The following IFT80 variants were observed in gnomAD, a reference collection of about 807,000 sequenced individuals.
The protein encoded by IFT80 is intraflagellar transport protein 80 homolog.
A neutral mutation model predicts 107.9 loss-of-function variants in IFT80; 79 were observed. The observed-to-expected ratio is 0.73, with a 90% CI of 0.61 to 0.88. IFT80 has a LOEUF of 0.88. Ranked by LOEUF, IFT80 falls within the 40% of genes least tolerant of loss-of-function variation. The pLI, the probability that IFT80 is intolerant of heterozygous loss-of-function variation, is 0.00. For synonymous variants in IFT80, 299 were observed against 300.9 expected, an observed-to-expected ratio of 0.99 and a Z score of 0.07; for missense variants, 797 against 914.2, an observed-to-expected ratio of 0.87 and a Z score of 1.65.
At chr3:160,321,519 C>T (rs188738963) in intron 8 of IFT80, among the ~76,000 whole-genome samples, 11 of 151,814 alleles carry the variant, frequency 7.2e-5, no homozygotes, top group African/African-American at 2.7e-4. Context: ...TCCCAGGATC[C>T]CCAGTGGAAG....
At position 160,356,164 on chromosome 3, in the gene IFT80, T is replaced by G; in HGVS notation, c.640-14A>C. ...ACTATCCCATACCTACAAAAGCAAT[T>G]TTTAAAAATCTTTTATAATATCAGG... On this transcript the variant is annotated splice_polypyrimidine_tract_variant and intron_variant, in intron 7 of 19. Coordinates refer to ENST00000326448, the MANE Select transcript of IFT80 (RefSeq NM_020800.3). 6.2e-7 allele frequency: 1 copy of G among 1,610,106 alleles called. No individual in the cohort carries two copies. The highest frequency in any genetic ancestry group is 8.5e-7 in the Non-Finnish European group (1 of 1,177,732).
intron 15 of IFT80, 121 bp from the exon 16 acceptor site, chr3:160,279,485 C>T (rs1013567354): frequency 8.9e-6 from 7 of 782,736 alleles, no homozygotes; most frequent in African/African-American, 8.6e-5. Context: ...CCAAAAGGCA[C>T]ACCCCCAAAG....
At chr3:160,330,727 G>A (rs1719031631) in intron 8 of IFT80, among the ~76,000 whole-genome samples, 1 of 152,036 alleles carries the variant, frequency 6.6e-6, no homozygotes, top group African/African-American at 2.4e-5. Flanking sequence ...AGAATGACTG[G>A]CATAATAGAC....
chr3:160,352,109 G>A (rs916447630), intron 8 of IFT80, among the ~76,000 whole-genome samples: 4 of 151,194 alleles, frequency 2.6e-5, no homozygotes, highest in South Asian at 2.1e-4. Flanking sequence ...TCTGCCTCCC[G>A]GGTTCACGCC....
At chr3:160,277,181 G>C in intron 18 of IFT80, 125 bp downstream of exon 18, 1 of 809,330 alleles carries the variant, frequency 1.2e-6, no homozygotes, top group Non-Finnish European at 2.1e-6. Context: ...ATATGAATAT[G>C]AATAAATTCT....
At position 160,298,724 on chromosome 3, in the gene IFT80, T is replaced by C. The variant is rs570692943; in HGVS notation, c.1315+2159A>G. Reference sequence around the variant, plus strand: ...GTGTGGACATCATGGAGGGTACTTATACAAACCTAGACAATATAACTTACT... The same window carrying C: ...GTGTGGACATCATGGAGGGTACTTACACAAACCTAGACAATATAACTTACT... On this transcript the variant is annotated intron_variant, in intron 12 of 19. Transcript: ENST00000326448. Among the ~76,000 whole-genome samples the C allele has an allele frequency of 1.4e-4, 21 of 152,272 alleles. No homozygotes were observed. In the South Asian group the frequency reaches 3.5e-3, roughly 26 times the overall value.
intron 8 of IFT80, among the ~76,000 whole-genome samples, chr3:160,324,656 A>C (rs1718543296): frequency 6.6e-6 from 1 of 152,096 alleles, no homozygotes; most frequent in Non-Finnish European, 1.5e-5. Context: ...ATCTATGACA[A>C]ACCCACAGCT....
chr3:160,282,075 C>A (rs955318444), intron 14 of IFT80, among the ~76,000 whole-genome samples: 2 of 152,150 alleles, frequency 1.3e-5, no homozygotes, highest in Non-Finnish European at 1.5e-5. Flanking sequence ...CTCAGGAGTT[C>A]GAGACCAGCC....
chr3:160,389,234 C>A (rs960070759), intron 1 of IFT80, among the ~76,000 whole-genome samples: 6 of 152,032 alleles, frequency 3.9e-5, no homozygotes, highest in East Asian at 1.9e-4. Flanking sequence ...GGATAATTAC[C>A]CTTTTTCTAA....
chr3:160,351,268 T>C (rs1380134785), intron 8 of IFT80, among the ~76,000 whole-genome samples: 2 of 150,984 alleles, frequency 1.3e-5, no homozygotes, highest in African/African-American at 2.4e-5. Context: ...CATGGTATTA[T>C]AAAAGTAATT....
Position 160,277,296 on chromosome 3 carries a change from T to G in IFT80, c.2099+10A>C. The G allele has an allele frequency of 1.9e-6, 3 of 1,609,374 alleles. No homozygotes were observed. Among genetic ancestry groups the G allele is most frequent in the Non-Finnish European group, 2.5e-6 (3 of 1,177,334 alleles). ...CAGATTTTGGAACTGATGGAAAGCA[T>G]TCTTATTACCTTTCCCAGTTGTAGA... is the stretch of plus-strand genomic sequence containing the variant. On this transcript the variant is annotated intron_variant, in intron 18 of 19. Transcript: ENST00000326448.
At chr3:160,273,235 C>A (rs1713964760) in intron 18 of IFT80, among the ~76,000 whole-genome samples, 1 of 152,164 alleles carries the variant, frequency 6.6e-6, no homozygotes. Context: ...CCTTTCTTAT[C>A]CAATCTTGAT....
chr3:160,349,084 C>A (rs1720489394), intron 8 of IFT80, among the ~76,000 whole-genome samples: 1 of 151,162 alleles, frequency 6.6e-6, no homozygotes, highest in Non-Finnish European at 1.5e-5. Flanking sequence ...TAAAATGTGT[C>A]ATATACAAAT....
chr3:160,366,009 C>T, intron 6 of IFT80, 34 bp downstream of exon 6: 5 of 1,507,476 alleles, frequency 3.3e-6, no homozygotes, highest in Non-Finnish European at 4.6e-6. Context: ...GTCAGGCAGA[C>T]CCTGATAACA....
At chr3:160,387,864 A>T (rs560078724) in intron 1 of IFT80, among the ~76,000 whole-genome samples, 49 of 152,346 alleles carry the variant, frequency 3.2e-4, no homozygotes, top group African/African-American at 1.1e-3. Flanking sequence ...TGGAAATCCT[A>T]CTGAAGTCTT....
chr3:160,358,728 T>A (rs1433791365), intron 6 of IFT80, among the ~76,000 whole-genome samples: 2 of 152,244 alleles, frequency 1.3e-5, no homozygotes, highest in Non-Finnish European at 2.9e-5. Context: ...TAAAATATGA[T>A]TTAAATTTTC....
intron 12 of IFT80, among the ~76,000 whole-genome samples, chr3:160,291,938 G>A (rs1715592011): frequency 6.6e-6 from 1 of 152,236 alleles, no homozygotes; most frequent in Non-Finnish European, 1.5e-5. Context: ...CTGCAGCAAT[G>A]CAGAGATGAA....
intron 8 of IFT80, among the ~76,000 whole-genome samples, chr3:160,324,088 G>A (rs1718487880): frequency 6.6e-6 from 1 of 152,090 alleles, no homozygotes; most frequent in South Asian, 2.1e-4. Flanking sequence ...GGAAGAAGTT[G>A]AATCTCTGAA....
At chr3:160,276,491 G>A (rs1339626866) in intron 18 of IFT80, among the ~76,000 whole-genome samples, 1 of 152,096 alleles carries the variant, frequency 6.6e-6, no homozygotes, top group East Asian at 1.9e-4. Flanking sequence ...GATCATGAAA[G>A]ACACTTCAAA....
Sources: gnomAD v4.1 joint callset for allele counts (sites outside exome capture counted in the v4.1 genomes callset) on GRCh38, gnomAD v4.1.1 for gene constraint, MANE v1.5 for transcripts, NCBI Gene and HGNC (gene_info 2026-07-23, HGNC 2026-07-21) for gene names.